The following SPTBN1 variants were observed in gnomAD, a reference collection of about 807,000 sequenced individuals.
SPTBN1 encodes the protein spectrin beta chain, non-erythrocytic 1.
A neutral mutation model predicts 266.4 loss-of-function variants in SPTBN1; 32 were observed. The ratio of observed to expected loss-of-function variants is 0.12; its 90% CI spans 0.09 to 0.16. SPTBN1 has a LOEUF of 0.16. SPTBN1 is among the 10% of genes least tolerant of loss of function. SPTBN1 has a pLI of 1.00. For missense variants in SPTBN1, 2,296 were observed against 3,067.1 expected (o/e 0.75, Z 5.94); for synonymous variants, 1,336 against 1,162.2 (o/e 1.15, Z -3.04).
intron 2 of SPTBN1, among the ~76,000 whole-genome samples, chr2:54,551,219 G>A (rs1363552336): frequency 6.6e-6 from 1 of 152,222 alleles, no homozygotes; most frequent in Non-Finnish European, 1.5e-5. Flanking sequence ...ACCTGTGTGT[G>A]TCAGCTGTTC....
Position 54,621,635 on chromosome 2 carries a change from A to G in SPTBN1, c.876+123A>G, listed in dbSNP as rs1677998996. 18 of 666,930 alleles carry G rather than the reference A, an allele frequency of 2.7e-5. No homozygotes were observed. In the South Asian group the frequency reaches 3.4e-4, roughly 13 times the overall value. 41.3% of individuals were successfully genotyped at this position (666,930 alleles called of 1,614,324 possible). A position where few individuals can be genotyped will look rare whatever the true frequency, so the allele number is the denominator to read the frequency against. On this transcript the variant is annotated intron_variant, in intron 8 of 35. Coordinates refer to ENST00000356805, the MANE Select transcript of SPTBN1 (RefSeq NM_003128.3). ...TAGTGGACTCTCCGGATGGTAGGGA[A>G]ATCGGCAGAAGCCTCTTCATCCTGA...
At chr2:54,592,749 A>G (rs1675765704) in intron 2 of SPTBN1, among the ~76,000 whole-genome samples, 1 of 152,198 alleles carries the variant, frequency 6.6e-6, no homozygotes. Context: ...CAGAAACCAA[A>G]CAACAAAAGA....
intron 2 of SPTBN1, among the ~76,000 whole-genome samples, chr2:54,572,968 T>A (rs958594191): frequency 3.3e-5 from 5 of 152,190 alleles, no homozygotes; most frequent in African/African-American, 4.8e-5. Flanking sequence ...ACTGCCTTTG[T>A]GTTTGCCACA....
chr2:54,665,939 C>G lies in SPTBN1; in HGVS notation c.6684C>G (p.Val2228=). ...GGTCCTGGCACAATGTTTATTGTGT[C>G]ATAAATAACCAAGAAATGGGTTTCT... ...SSRSWHNVYC[V]INNQEMGFYK... is the part of the protein sequence containing the mutation. Residue 2228 remains valine, a synonymous_variant, in exon 34 of 36, where the codon GTC becomes GTG. Coordinates refer to ENST00000356805, the MANE Select transcript of SPTBN1 (RefSeq NM_003128.3). 1 of 1,613,898 alleles carries G rather than the reference C, an allele frequency of 6.2e-7. No individual in the cohort carries two copies. Among genetic ancestry groups the G allele is most frequent in the Non-Finnish European group, 8.5e-7 (1 of 1,179,952 alleles).
intron 1 of SPTBN1, among the ~76,000 whole-genome samples, chr2:54,491,204 A>C (rs1457025739): frequency 6.6e-6 from 1 of 152,220 alleles, no homozygotes; most frequent in Non-Finnish European, 1.5e-5. Flanking sequence ...TAATAAACTT[A>C]ACCGACAGGA....
rs1367973887 is a variant in SPTBN1 at position 54,646,150 on chromosome 2, C to T, written c.4585-44C>T. The T allele has an allele frequency of 6.3e-7, 1 of 1,592,076 alleles. No individual in the cohort carries two copies. The highest frequency in any genetic ancestry group is 1.7e-5 in the Admixed American group (1 of 57,478). ...ACAGCTTGACATAAGCAGCAGACGG[C>T]TGCCATTTAGCAAGCCTTTGTGTGT... On this transcript the variant is annotated intron_variant, in intron 22 of 35. Transcript: ENST00000356805. The surrounding 1 kb of genome is among the most constrained non-coding windows in gnomAD (Gnocchi z 4.4).
intron 1 of SPTBN1, among the ~76,000 whole-genome samples, chr2:54,499,476 T>C (rs1669139868): frequency 6.6e-6 from 1 of 152,220 alleles, no homozygotes; most frequent in Non-Finnish European, 1.5e-5. Context: ...GGAAGGTGAC[T>C]GGTTGTTTGC....
At chr2:54,508,251 C>T (rs931214358) in intron 1 of SPTBN1, among the ~76,000 whole-genome samples, 2 of 152,196 alleles carry the variant, frequency 1.3e-5, no homozygotes, top group Admixed American at 6.5e-5. Flanking sequence ...CCACGGTGGC[C>T]TTCTTAGACC....
intron 1 of SPTBN1, among the ~76,000 whole-genome samples, chr2:54,482,028 G>T (rs1036208539): frequency 4.6e-5 from 7 of 152,204 alleles, no homozygotes; most frequent in Non-Finnish European, 7.3e-5. Context: ...TGATGAGCCT[G>T]AGGTGTGGCA....
chr2:54,491,455 A>G (rs1205141669), intron 1 of SPTBN1, among the ~76,000 whole-genome samples: 1 of 152,244 alleles, frequency 6.6e-6, no homozygotes, highest in Non-Finnish European at 1.5e-5. Context: ...TTATGTAAGA[A>G]TAACTTCTTG....
chr2:54,503,752 A>G (rs1361368785), intron 1 of SPTBN1, among the ~76,000 whole-genome samples: 1 of 152,198 alleles, frequency 6.6e-6, no homozygotes, highest in Non-Finnish European at 1.5e-5. Flanking sequence ...TGCTGAATAC[A>G]TAACTATTCA....
At chr2:54,617,822 G>T in intron 6 of SPTBN1, 134 bp downstream of exon 6, 1 of 790,176 alleles carries the variant, frequency 1.3e-6, no homozygotes, top group South Asian at 1.8e-5. Context: ...TTCCATGTGA[G>T]GAAAATATGG....
At chr2:54,466,789 G>T (rs1406400512) in intron 1 of SPTBN1, among the ~76,000 whole-genome samples, 1 of 151,890 alleles carries the variant, frequency 6.6e-6, no homozygotes, top group East Asian at 1.9e-4. Flanking sequence ...ATTTTAGCTG[G>T]ATACAAACTA....
At chr2:54,661,471 A>T in intron 32 of SPTBN1, 1 of 985,768 alleles carries the variant, frequency 1.0e-6, no homozygotes, top group Non-Finnish European at 1.2e-6. Context: ...AACGTCATAT[A>T]GCATCTTGTT....
chr2:54,524,364 A>G (rs1467888321), intron 1 of SPTBN1, among the ~76,000 whole-genome samples: 1 of 152,118 alleles, frequency 6.6e-6, no homozygotes, highest in African/African-American at 2.4e-5. Flanking sequence ...TGAAATTTAA[A>G]ATATGCGGGA....
At chr2:54,486,667 C>T (rs978141654) in intron 1 of SPTBN1, among the ~76,000 whole-genome samples, 1 of 151,532 alleles carries the variant, frequency 6.6e-6, no homozygotes, top group African/African-American at 2.4e-5. Context: ...CACTATTGTC[C>T]TATGACCCTG....
rs192703352 is a variant in SPTBN1, at chr2:54,638,412, T to C, written c.3858+609T>C. 1.3e-3 allele frequency among the ~76,000 whole-genome samples: 195 copies of C among 152,380 alleles called. 4 individuals are homozygous for C. The South Asian group carries it at 0.036, about 28-fold the overall frequency. On this transcript the variant is annotated intron_variant, in intron 18 of 35. Coordinates refer to ENST00000356805, the MANE Select transcript of SPTBN1 (RefSeq NM_003128.3). ...AAAGACAAATTAGTTTCTTATTCGC[T>C]TAAGACCTTCATCTATCCATCTTTC...
intron 2 of SPTBN1, among the ~76,000 whole-genome samples, chr2:54,534,632 C>T (rs1473950414): frequency 1.3e-5 from 2 of 152,102 alleles, no homozygotes; most frequent in African/African-American, 4.8e-5. Flanking sequence ...CCTCTGGTTC[C>T]TTCTCCCTCC....
intron 1 of SPTBN1, among the ~76,000 whole-genome samples, chr2:54,500,523 A>G (rs185393357): frequency 2.2e-4 from 34 of 152,244 alleles, no homozygotes; most frequent in African/African-American, 7.0e-4. Flanking sequence ...GTAGCTCTCA[A>G]TCCTTGGCTG....
Sources: gnomAD v4.1 joint callset for allele counts (sites outside exome capture counted in the v4.1 genomes callset) on GRCh38, gnomAD v4.1.1 for gene constraint, Gnocchi (gnomAD v3.1) non-coding constraint, MANE v1.5 for transcripts, NCBI Gene and HGNC (gene_info 2026-07-23, HGNC 2026-07-21) for gene names.